Variants in CDH23 observed in about 807,000 individuals in gnomAD.
The protein encoded by CDH23 is cadherin-23.
In CDH23, 189 loss-of-function variants were observed where a neutral mutation model predicts 317.1. The observed-to-expected ratio is 0.60, with a 90% CI of 0.53 to 0.67. The LOEUF is 0.67. Among genes scored for constraint, CDH23 ranks in the 30% least tolerant of loss-of-function variants. The pLI is 0.00. For synonymous variants in CDH23, 1,839 were observed against 1,876.8 expected, an observed-to-expected ratio of 0.98 and a Z score of 0.52; for missense variants, 4,401 against 4,592.4, an observed-to-expected ratio of 0.96 and a Z score of 1.20.
At chr10:71,707,718 T>C (rs533098810) in intron 26 of CDH23, among the ~76,000 whole-genome samples, 5 of 152,264 alleles carry the variant, frequency 3.3e-5, no homozygotes, top group African/African-American at 1.2e-4. Flanking sequence ...CTGGGACACA[T>C]GGGGGTGCAG....
At chr10:71,420,444 T>TGGTGATGGTGATGG (rs1564568587) in intron 1 of CDH23, among the ~76,000 whole-genome samples, 1 of 38,008 alleles carries the variant, frequency 2.6e-5, no homozygotes. Context: ...ATGATGGTCA[T>TGGTGATGGTGATGG]TATGATGGTG....
At chr10:71,554,006 T>A (rs1856743556) in intron 6 of CDH23, among the ~76,000 whole-genome samples, 1 of 152,206 alleles carries the variant, frequency 6.6e-6, no homozygotes, top group Admixed American at 6.5e-5. Flanking sequence ...TGCAAAGCAC[T>A]TTGCAGTTTA....
chr10:71,548,623 G>A (rs1387599057), intron 6 of CDH23, among the ~76,000 whole-genome samples: 1 of 152,210 alleles, frequency 6.6e-6, no homozygotes, highest in East Asian at 1.9e-4. Flanking sequence ...TTGCCAAGGG[G>A]GGCACTGTGT....
In CDH23 at chr10:71,659,960, G is replaced by GTTT. The variant is rs5786047; in HGVS notation, c.1449+13361_1449+13363dup. Among the ~76,000 whole-genome samples the GTTT allele has an allele frequency of 1.5e-3, 177 of 119,504 alleles. 3 individuals carry two copies. The highest frequency in any genetic ancestry group is 4.2e-3 in the South Asian group (15 of 3,608). 78.4% of individuals were successfully genotyped at this position (119,504 alleles called of 152,430 possible). The stretch of plus-strand genomic sequence containing the variant: ...CTTTTCTTTTCTTTTCTTTCTTTCC[G>GTTT]TTTTTTTTTTTTTTTTTTTTAGACG... On this transcript the variant is annotated intron_variant, in intron 14 of 69. Transcript: ENST00000224721.
chr10:71,438,915 T>C (rs1849745076), intron 1 of CDH23, among the ~76,000 whole-genome samples: 1 of 152,178 alleles, frequency 6.6e-6, no homozygotes, highest in East Asian at 1.9e-4. Flanking sequence ...GACAGTTCTG[T>C]AGGAGGTTAG....
chr10:71,601,681 C>T (rs1439157302), intron 9 of CDH23, among the ~76,000 whole-genome samples: 1 of 152,172 alleles, frequency 6.6e-6, no homozygotes, highest in Non-Finnish European at 1.5e-5. Context: ...CTCCACACCC[C>T]GTCATCTGCT....
intron 8 of CDH23, among the ~76,000 whole-genome samples, chr10:71,576,260 G>A (rs1230274181): frequency 6.6e-6 from 1 of 152,236 alleles, no homozygotes. Flanking sequence ...AATTGCCCCT[G>A]AGTACTGCTT....
chr10:71,520,557 C>T (rs10128409), intron 6 of CDH23, among the ~76,000 whole-genome samples: 100,166 of 152,134 alleles, frequency 0.66, 33,306 homozygotes, highest in African/African-American at 0.67. Context: ...GAGCTCAGCC[C>T]TGGGCCAGAG....
At position 71,812,834 on chromosome 10, in the gene CDH23, C is replaced by T; in HGVS notation, c.9577C>T (p.Gln3193Ter). 1 of 1,613,718 alleles carries T rather than the reference C, an allele frequency of 6.2e-7. No individual in the cohort carries two copies. The highest frequency in any genetic ancestry group is 8.5e-7 in the Non-Finnish European group (1 of 1,179,774). The change falls in exon 68 of 70, where the codon CAG (glutamine) becomes TAG (stop). Residue 3193 changes from glutamine to a stop codon, truncating the protein, a stop_gained. Transcript: ENST00000224721. LOFTEE classifies it high-confidence loss of function. Reference sequence around the variant, plus strand: ...TGACCGATACCTGCGGGCTGCCATCCAGGAGTATGACAACATTGCCAAGCT... The same window carrying T: ...TGACCGATACCTGCGGGCTGCCATCTAGGAGTATGACAACATTGCCAAGCT... The part of the protein sequence containing the change: ...DDDRYLRAAI[Q>*]EYDNIAKLGQ...
At chr10:71,399,772 T>C (rs552349204) in intron 1 of CDH23, among the ~76,000 whole-genome samples, 2 of 152,052 alleles carry the variant, frequency 1.3e-5, no homozygotes, top group East Asian at 1.9e-4. Context: ...TGAGACCCTG[T>C]CTCTAAAGAA....
chr10:71,499,303 T>A (rs1853148932), intron 3 of CDH23, among the ~76,000 whole-genome samples: 1 of 152,222 alleles, frequency 6.6e-6, no homozygotes, highest in Admixed American at 6.5e-5. Flanking sequence ...AGCTCACACC[T>A]ATAATCCCAG....
At chr10:71,603,118 G>T (rs1321323030) in intron 9 of CDH23, among the ~76,000 whole-genome samples, 1 of 152,094 alleles carries the variant, frequency 6.6e-6, no homozygotes, top group South Asian at 2.1e-4. Context: ...TCATCCCTGG[G>T]CCCATCTTTC....
chr10:71,578,133 G>C (rs1369971549), intron 9 of CDH23, 141 bp downstream of exon 9: 12 of 798,206 alleles, frequency 1.5e-5, no homozygotes, highest in South Asian at 1.1e-4. Flanking sequence ...TACAGGGACA[G>C]TCCTCGCCAA....
chr10:71,507,078 A>T (rs1439723239), intron 3 of CDH23, among the ~76,000 whole-genome samples: 1 of 152,088 alleles, frequency 6.6e-6, no homozygotes, highest in Non-Finnish European at 1.5e-5. Flanking sequence ...TCTTCCCAGA[A>T]TCCTCTTGGC....
At chr10:71,699,791 G>T (rs1475661477) in intron 22 of CDH23, among the ~76,000 whole-genome samples, 1 of 152,164 alleles carries the variant, frequency 6.6e-6, no homozygotes, top group Non-Finnish European at 1.5e-5. Context: ...CGCCCAGCAG[G>T]GAGCCTGCAG....
intron 11 of CDH23, among the ~76,000 whole-genome samples, chr10:71,618,592 C>T (rs919523555): frequency 6.6e-6 from 1 of 152,194 alleles, no homozygotes; most frequent in African/African-American, 2.4e-5. Flanking sequence ...TCTTCGATTA[C>T]TCCTTGCGTG....
At chr10:71,613,296 C>A (rs114539084) in intron 9 of CDH23, among the ~76,000 whole-genome samples, 1,801 of 152,336 alleles carry the variant, frequency 0.012, 38 homozygotes, top group African/African-American at 0.041. Context: ...TCCTGTCCCC[C>A]CAACTCCCCA....
Position 71,402,706 on chromosome 10 carries a change from AGTGTGTGTGTGTGTGT to A in CDH23, c.-6+5412_-6+5427del, listed in dbSNP as rs61127679. Among the ~76,000 whole-genome samples the A allele has an allele frequency of 8.2e-3, 1,214 of 148,930 alleles. 10 individuals carry two copies. Among genetic ancestry groups the A allele is most frequent in the South Asian group, 0.02 (94 of 4,682 alleles). On this transcript the variant is annotated intron_variant, in intron 1 of 69. Coordinates refer to ENST00000224721, the MANE Select transcript of CDH23 (RefSeq NM_022124.6). ...ACATTCATAAATTGAATTCTTCCTGAGTGTGTGTGTGTGTGTGTGTGTGTGTGTGTGTGTGTGTGCA... is the reference window on the plus strand; with the variant it reads ...ACATTCATAAATTGAATTCTTCCTGAGTGTGTGTGTGTGTGTGTGTGTGCA...
chr10:71,482,604 TG>T (rs1378699828), intron 3 of CDH23, among the ~76,000 whole-genome samples: 5 of 152,130 alleles, frequency 3.3e-5, no homozygotes, highest in African/African-American at 4.8e-5. Flanking sequence ...GGACCACCTG[TG>T]GGGGCACTGG....
Sources: gnomAD v4.1 joint callset for allele counts (sites outside exome capture counted in the v4.1 genomes callset) on GRCh38, gnomAD v4.1.1 for gene constraint, MANE v1.5 for transcripts, NCBI Gene and HGNC (gene_info 2026-07-23, HGNC 2026-07-21) for gene names.